The following MAP2 variants were observed in gnomAD, a reference collection of about 807,000 sequenced individuals.
The protein encoded by MAP2 is microtubule-associated protein 2.
A neutral mutation model predicts 137.6 loss-of-function variants in MAP2; 14 were observed. That is an observed-to-expected ratio of 0.10 (90% CI 0.07 to 0.16). MAP2 has a LOEUF of 0.16. Ranked by LOEUF, MAP2 falls within the 10% of genes least tolerant of loss-of-function variation. MAP2 has a pLI of 1.00. For synonymous variants in MAP2, 786 were observed against 782.3 expected (o/e 1.00, Z -0.08); for missense variants, 2,088 against 2,191.5 (o/e 0.95, Z 0.94).
chr2:209,528,858 ATATG>A (rs2064595815), intron 2 of MAP2, among the ~76,000 whole-genome samples: 1 of 146,466 alleles, frequency 6.8e-6, no homozygotes, highest in African/African-American at 2.5e-5. Flanking sequence ...GTGTGTGTGT[ATATG>A]TGTGTGTATA....
chr2:209,702,707 C>T (rs1418884103), intron 11 of MAP2, among the ~76,000 whole-genome samples: 1 of 151,884 alleles, frequency 6.6e-6, no homozygotes, highest in Non-Finnish European at 1.5e-5. Context: ...CTATATCACG[C>T]TTTTGAAATT....
At chr2:209,577,602 A>G (rs990094634) in intron 2 of MAP2, among the ~76,000 whole-genome samples, 1 of 152,132 alleles carries the variant, frequency 6.6e-6, no homozygotes, top group Non-Finnish European at 1.5e-5. Context: ...TATTATCATT[A>G]TTATTGTAAT....
At chr2:209,692,557 T>C (rs2059218144) in intron 7 of MAP2, 68 bp from the exon 8 acceptor site, 3 of 1,483,520 alleles carry the variant, frequency 2.0e-6, no homozygotes, top group Non-Finnish European at 2.7e-6. Context: ...CTTCAAAATA[T>C]AATTTTAAGC....
chr2:209,567,260 T>G (rs77486434), intron 2 of MAP2, among the ~76,000 whole-genome samples: 2,997 of 152,204 alleles, frequency 0.02, 96 homozygotes, highest in African/African-American at 0.068. Context: ...AGAGAAAGTT[T>G]TGTAAAACAC....
Position 209,538,404 on chromosome 2 carries a change from A to G in MAP2, c.-172+30763A>G, listed in dbSNP as rs570158140. The stretch of plus-strand genomic sequence containing the variant: ...ATTCCATATTTATATCATTTGTTCA[A>G]GTTCCTCAAATGTTTTTTAGCAAAA... On this transcript the variant is annotated intron_variant, in intron 2 of 15. Coordinates refer to ENST00000682079, the MANE Select transcript of MAP2 (RefSeq NM_001375505.1). 1.8e-4 allele frequency among the ~76,000 whole-genome samples: 27 copies of G among 152,216 alleles called. No individual in the cohort carries two copies. The South Asian group carries it at 4.4e-3, about 25-fold the overall frequency.
chr2:209,568,818 T>C (rs1438357442), intron 2 of MAP2, among the ~76,000 whole-genome samples: 1 of 151,808 alleles, frequency 6.6e-6, no homozygotes, highest in Non-Finnish European at 1.5e-5. Context: ...CTCTAGAAGA[T>C]GGTTCTGCTT....
At chr2:209,612,908 T>C (rs903671957) in intron 3 of MAP2, among the ~76,000 whole-genome samples, 2 of 152,222 alleles carry the variant, frequency 1.3e-5, no homozygotes, top group African/African-American at 4.8e-5. Context: ...TTATGTTTTC[T>C]TATTAACACA....
At chr2:209,663,001 T>A (rs2044418206) in intron 5 of MAP2, among the ~76,000 whole-genome samples, 1 of 152,154 alleles carries the variant, frequency 6.6e-6, no homozygotes, top group African/African-American at 2.4e-5. Context: ...TTATATTACT[T>A]GTGTAGGTCT....
At chr2:209,595,218 A>G (rs188109130) in intron 3 of MAP2, among the ~76,000 whole-genome samples, 1 of 152,260 alleles carries the variant, frequency 6.6e-6, no homozygotes, top group African/African-American at 2.4e-5. Flanking sequence ...TTGGCGTAGA[A>G]TATATGACTT....
chr2:209,446,534 A>G (rs1030112304), intron 1 of MAP2, among the ~76,000 whole-genome samples: 11 of 151,926 alleles, frequency 7.2e-5, no homozygotes, highest in Non-Finnish European at 1.0e-4. Context: ...TTTAAAATGT[A>G]GAAAATTTTT....
At chr2:209,578,793 A>C (rs2075759463) in intron 2 of MAP2, among the ~76,000 whole-genome samples, 1 of 152,202 alleles carries the variant, frequency 6.6e-6, no homozygotes, top group South Asian at 2.1e-4. Context: ...AGATTATGCC[A>C]AAGATTGAAT....
intron 2 of MAP2, among the ~76,000 whole-genome samples, chr2:209,538,454 G>C (rs1200551252): frequency 6.7e-6 from 1 of 149,824 alleles, no homozygotes; most frequent in Admixed American, 6.7e-5. Context: ...TGAGGTTAAT[G>C]TCTGCTATTT....
At chr2:209,711,138 T>C (rs1428650785) in intron 13 of MAP2, among the ~76,000 whole-genome samples, 1 of 152,224 alleles carries the variant, frequency 6.6e-6, no homozygotes, top group Non-Finnish European at 1.5e-5. Flanking sequence ...ACAGTAACTT[T>C]GTACATAAAC....
chr2:209,696,211 C>T lies in MAP2; in HGVS notation c.4041C>T (p.Ser1347=), dbSNP rs751945986. 8.1e-6 allele frequency: 13 copies of T among 1,613,528 alleles called. No homozygotes were observed. The African/African-American group carries it at 1.1e-4, about 13-fold the overall frequency. The part of the protein sequence containing the change: ...AEAQAEPKDG[S]PEAPASPERE... Reference sequence around the variant, plus strand: ...CCCAGGCAGAACCCAAAGATGGTTCCCCAGAGGCTCCAGCTTCCCCTGAGA... The same window carrying T: ...CCCAGGCAGAACCCAAAGATGGTTCTCCAGAGGCTCCAGCTTCCCCTGAGA... The change falls in exon 8 of 16, where the codon TCC becomes TCT. Residue 1347 remains serine, a synonymous_variant. Coordinates refer to ENST00000682079, the MANE Select transcript of MAP2 (RefSeq NM_001375505.1).
chr2:209,495,974 C>T (rs970269471), intron 1 of MAP2, among the ~76,000 whole-genome samples: 1 of 152,148 alleles, frequency 6.6e-6, no homozygotes. Flanking sequence ...GTTTCAATTT[C>T]CCAGCATGTA....
chr2:209,461,031 G>C (rs985275071), intron 1 of MAP2, among the ~76,000 whole-genome samples: 1 of 152,104 alleles, frequency 6.6e-6, no homozygotes, highest in African/African-American at 2.4e-5. Context: ...TTATAGTAGT[G>C]AGCCACTGTG....
intron 13 of MAP2, among the ~76,000 whole-genome samples, chr2:209,716,613 G>A (rs2067744633): frequency 3.3e-5 from 5 of 152,156 alleles, no homozygotes; most frequent in Admixed American, 1.3e-4. Flanking sequence ...TTCTTCCAAT[G>A]TGGCCCAGGG....
chr2:209,557,348 G>C (rs2153330761), intron 2 of MAP2, among the ~76,000 whole-genome samples: 1 of 152,230 alleles, frequency 6.6e-6, no homozygotes, highest in East Asian at 1.9e-4. Context: ...TTACCTGTCT[G>C]GTAAGAAGAG....
intron 2 of MAP2, among the ~76,000 whole-genome samples, chr2:209,530,315 A>G (rs2064917126): frequency 6.6e-6 from 1 of 152,026 alleles, no homozygotes; most frequent in African/African-American, 2.4e-5. Context: ...TGCTATATAG[A>G]TGATATGTAG....
Sources: allele counts gnomAD v4.1 joint callset (sites outside exome capture counted in the v4.1 genomes callset), GRCh38; gene constraint gnomAD v4.1.1; transcripts MANE v1.5; gene names NCBI Gene and HGNC (gene_info 2026-07-23, HGNC 2026-07-21).